The following FAM120C variants were observed in gnomAD, a reference collection of about 807,000 sequenced individuals.
FAM120C encodes constitutive coactivator of PPAR-gamma-like protein 2.
Under a neutral mutation model 71.2 loss-of-function variants are expected in FAM120C, and 14 were observed. That is an observed-to-expected ratio of 0.20 (90% confidence interval 0.13 to 0.31). FAM120C has a LOEUF of 0.31. Ranked by LOEUF, FAM120C falls within the 10% of genes least tolerant of loss-of-function variation. FAM120C has a pLI of 1.00. For missense variants in FAM120C, 500 were observed against 879.0 expected (o/e 0.57, Z 5.45); for synonymous variants, 354 against 353.2 (o/e 1.00, Z -0.03).
intron 1 of FAM120C, chrX:54,171,927 A>T (rs1569533888): frequency 8.9e-6 from 1 of 112,112 alleles, no homozygotes. Context: ...GTTCATTTTC[A>T]TCAAATATGT....
intron 10 of FAM120C, among the ~76,000 whole-genome samples, chrX:54,095,169 C>T (rs1006406237): frequency 5.5e-4 from 61 of 111,751 alleles, no homozygotes; most frequent in Middle Eastern, 4.6e-3. Context: ...TGTAACTGAA[C>T]GAATTATGGT....
intron 3 of FAM120C, among the ~76,000 whole-genome samples, chrX:54,153,857 C>T (rs893543892): frequency 2.7e-5 from 3 of 109,170 alleles, no homozygotes; most frequent in Non-Finnish European, 3.8e-5. Flanking sequence ...TGAGCCACCA[C>T]GCCCGGCCTT....
intron 9 of FAM120C, among the ~76,000 whole-genome samples, chrX:54,129,381 G>A (rs2067049976): frequency 1.8e-5 from 2 of 108,896 alleles, no homozygotes; most frequent in South Asian, 4.1e-4. Context: ...CATCCCAGAC[G>A]GGGCGGCGGG....
intron 8 of FAM120C, among the ~76,000 whole-genome samples, chrX:54,133,116 C>T (rs1381495523): frequency 8.9e-6 from 1 of 111,891 alleles, no homozygotes; most frequent in African/African-American, 3.2e-5. Context: ...CTTTGAGAGG[C>T]TGAGGCGGGT....
Position 54,134,789 on chromosome X carries a change from C to T in FAM120C, c.1616+42G>A, listed in dbSNP as rs782717324. On this transcript the variant is annotated intron_variant, in intron 7 of 15. Transcript: ENST00000375180. ...TCTAACAAGCAAAATAATACAGATG[C>T]CTCAGAAATCTACTTCCTTAGGTGT... 40 of 1,149,273 alleles carry T rather than the reference C, an allele frequency of 3.5e-5. No individual in the cohort carries two copies. In the African/African-American group the frequency reaches 4.9e-4, roughly 14 times the overall value. The allele number at this position is 1,149,273 out of a possible 1,213,427, so 94.7% of individuals were successfully genotyped here. A position where few individuals can be genotyped will look rare whatever the true frequency, so the allele number is the denominator to read the frequency against.
intron 13 of FAM120C, among the ~76,000 whole-genome samples, chrX:54,085,196 T>G (rs1466250818): frequency 8.9e-6 from 1 of 112,227 alleles, no homozygotes; most frequent in Non-Finnish European, 1.9e-5. Flanking sequence ...GTTTGGTTGG[T>G]GAGAGTCAAA....
intron 9 of FAM120C, among the ~76,000 whole-genome samples, chrX:54,128,036 C>A (rs1249380651): frequency 9.0e-6 from 1 of 111,606 alleles, no homozygotes; most frequent in Non-Finnish European, 1.9e-5. Flanking sequence ...TACATTCCTA[C>A]CAACAGTATA....
Position 54,133,979 on chromosome X carries a change from C to T in FAM120C, c.1684G>A (p.Ala562Thr). Residue 562 changes from alanine (A) to threonine (T), a missense_variant, in exon 8 of 16, where the codon GCA becomes ACA. Ala to Thr is a moderately conservative substitution (Grantham distance 58, BLOSUM62 0). This residue lies in a region of FAM120C where 85 missense variants were observed against 84.9 expected (regional missense o/e 1.00). Transcript: ENST00000375180. Reference sequence around the variant, plus strand: ...GAAACTCCAGTATCAACAGGCTGTGCCCAGGACCCTCTGTCACGATTGGGA... The same window carrying T: ...GAAACTCCAGTATCAACAGGCTGTGTCCAGGACCCTCTGTCACGATTGGGA... Reference protein sequence around the residue: ...GNPNRDRGSWAQPVDTGVSEA... With the variant: ...GNPNRDRGSWTQPVDTGVSEA... 1 of 1,211,399 alleles carries T rather than the reference C, an allele frequency of 8.3e-7. No homozygotes were observed. The highest frequency in any genetic ancestry group is 1.8e-5 in the South Asian group (1 of 56,909).
intron 10 of FAM120C, among the ~76,000 whole-genome samples, chrX:54,112,334 T>A (rs1394328074): frequency 9.1e-6 from 1 of 109,976 alleles, no homozygotes; most frequent in East Asian, 2.9e-4. Flanking sequence ...GGAGAATCGC[T>A]TGAACCCGAA....
chrX:54,129,196 C>T (rs1332647965), intron 9 of FAM120C, among the ~76,000 whole-genome samples: 3 of 108,471 alleles, frequency 2.8e-5, no homozygotes, highest in Admixed American at 9.6e-5. Context: ...GGGTGGCTGC[C>T]GGGTGGAGAC....
intron 10 of FAM120C, among the ~76,000 whole-genome samples, chrX:54,094,904 CAAA>C (rs11332265): frequency 8.2e-5 from 7 of 85,552 alleles, no homozygotes; most frequent in African/African-American, 8.6e-5. Context: ...GACTCCATCT[CAAA>C]AAAAAAAAAA....
At chrX:54,166,810 G>A (rs1557135240) in intron 1 of FAM120C, among the ~76,000 whole-genome samples, 1 of 111,599 alleles carries the variant, frequency 9.0e-6, no homozygotes, top group African/African-American at 3.3e-5. Flanking sequence ...GATAATATTG[G>A]TCCCCTCCAG....
At position 54,071,978 on chromosome X, in the gene FAM120C, A is replaced by ATG. The variant is rs1366614035; in HGVS notation, c.*1053_*1054dup. ...TATGTATGTATGTATGTGTGTATAT[A>ATG]TGTGTGTATATATATATACACACAT... On this transcript the variant is annotated 3_prime_UTR_variant, in exon 16 of 16. Coordinates refer to ENST00000375180, the MANE Select transcript of FAM120C (RefSeq NM_017848.6). The ATG allele has an allele frequency of 9.7e-5, 10 of 103,233 alleles. No individual in the cohort carries two copies. The highest frequency in any genetic ancestry group is 5.4e-4 in the Admixed American group (5 of 9,297). 8.5% of individuals were successfully genotyped at this position (103,233 alleles called of 1,213,427 possible). A position where few individuals can be genotyped will look rare whatever the true frequency, so the allele number is the denominator to read the frequency against.
chrX:54,148,676 C>G (rs1557132658), intron 4 of FAM120C, among the ~76,000 whole-genome samples: 1 of 111,516 alleles, frequency 9.0e-6, no homozygotes, highest in African/African-American at 3.3e-5. Context: ...TCATTAGTCA[C>G]TTGGGAAACA....
At chrX:54,134,732 C>T (rs2067085394) in intron 7 of FAM120C, 99 bp downstream of exon 7, 2 of 915,626 alleles carry the variant, frequency 2.2e-6, no homozygotes, top group South Asian at 2.9e-5. Context: ...CAGAGGAAAC[C>T]CAGGAATACA....
At chrX:54,157,537 G>A in intron 3 of FAM120C, 152 bp downstream of exon 3, 1 of 439,611 alleles carries the variant, frequency 2.3e-6, no homozygotes, top group Non-Finnish European at 4.0e-6. Flanking sequence ...TTACAGGTGT[G>A]AGTCACCACC....
intron 9 of FAM120C, among the ~76,000 whole-genome samples, chrX:54,130,211 C>T (rs1209691666): frequency 9.0e-6 from 1 of 110,505 alleles, no homozygotes; most frequent in Non-Finnish European, 1.9e-5. Context: ...TGTTGAGTTC[C>T]TTGTAGATTC....
At chrX:54,089,907 C>T (rs1489116518) in intron 11 of FAM120C, among the ~76,000 whole-genome samples, 1 of 107,914 alleles carries the variant, frequency 9.3e-6, no homozygotes, top group Non-Finnish European at 1.9e-5. Flanking sequence ...TGTGGTGAGC[C>T]GAGATCACGC....
chrX:54,161,659 T>A (rs1569533558), intron 1 of FAM120C, among the ~76,000 whole-genome samples: 3 of 112,272 alleles, frequency 2.7e-5, no homozygotes, highest in Non-Finnish European at 5.6e-5. Context: ...GGAAACAGAG[T>A]CTTACTCTGT....
Sources: allele counts gnomAD v4.1 joint callset (sites outside exome capture counted in the v4.1 genomes callset), GRCh38; gene constraint gnomAD v4.1.1; regional missense constraint gnomAD v4.1.1; transcripts MANE v1.5; gene names NCBI Gene and HGNC (gene_info 2026-07-23, HGNC 2026-07-21).